Variants in PPP2R2B observed in about 807,000 individuals in gnomAD.
The protein encoded by PPP2R2B is protein phosphatase 2 regulatory subunit Bbeta, also known as serine/threonine-protein phosphatase 2A 55 kDa regulatory subunit B beta isoform.
PPP2R2B carries 5 observed loss-of-function variants against 46.0 expected under a neutral mutation model. The observed-to-expected ratio is 0.11, with a 90% CI of 0.06 to 0.23. The LOEUF (loss-of-function observed/expected upper bound fraction) is 0.23, where lower values mean the gene tolerates loss of function less well. PPP2R2B is among the 10% of genes least tolerant of loss of function. The pLI is 1.00. For synonymous variants in PPP2R2B, 215 were observed against 206.7 expected, an observed-to-expected ratio of 1.04 and a Z score of -0.34; for missense variants, 367 against 575.0, an observed-to-expected ratio of 0.64 and a Z score of 3.70.
intron 2 of PPP2R2B, among the ~76,000 whole-genome samples, chr5:146,876,453 C>T (rs1034439711): frequency 1.3e-5 from 2 of 152,084 alleles, no homozygotes; most frequent in African/African-American, 2.4e-5. Context: ...AATAAATGTT[C>T]CCCCAAAAGC....
At chr5:146,600,496 AT>A in intron 7 of PPP2R2B, 36 bp from the exon 8 acceptor site, 1 of 1,604,260 alleles carries the variant, frequency 6.2e-7, no homozygotes. Flanking sequence ...AAATTTAGCA[AT>A]CCTTATCAAC....
At chr5:146,849,894 T>C (rs761836962) in intron 2 of PPP2R2B, among the ~76,000 whole-genome samples, 3 of 152,214 alleles carry the variant, frequency 2.0e-5, no homozygotes, top group Non-Finnish European at 2.9e-5. Context: ...CACAAAGCCA[T>C]GGCAGATTAG....
intron 2 of PPP2R2B, among the ~76,000 whole-genome samples, chr5:146,766,488 T>C (rs994483841): frequency 6.6e-5 from 10 of 152,162 alleles, no homozygotes; most frequent in Non-Finnish European, 1.2e-4. Flanking sequence ...CAAGTTAAAG[T>C]CTGACCAAGA....
intron 2 of PPP2R2B, among the ~76,000 whole-genome samples, chr5:146,755,557 A>C (rs920874601): frequency 1.3e-5 from 2 of 152,230 alleles, no homozygotes; most frequent in Admixed American, 1.3e-4. Flanking sequence ...TTCTTTGGAC[A>C]ACACCAATTG....
intron 5 of PPP2R2B, among the ~76,000 whole-genome samples, chr5:146,653,995 A>G (rs962279868): frequency 6.6e-6 from 1 of 152,140 alleles, no homozygotes; most frequent in Admixed American, 6.6e-5. Flanking sequence ...CGATTAGGAA[A>G]CCACATTGCG....
chr5:146,663,917 A>T (rs1028423127), intron 5 of PPP2R2B, among the ~76,000 whole-genome samples: 2 of 152,130 alleles, frequency 1.3e-5, no homozygotes, highest in African/African-American at 4.8e-5. Flanking sequence ...ATCTTGACTC[A>T]CTGCAACCTC....
chr5:147,031,022 G>A (rs772082033), intron 1 of PPP2R2B, among the ~76,000 whole-genome samples: 6 of 152,082 alleles, frequency 3.9e-5, no homozygotes, highest in Non-Finnish European at 5.9e-5. Context: ...GGATCACGAG[G>A]TCAGGAGATC....
At chr5:146,952,183 C>T (rs781585411) in intron 1 of PPP2R2B, among the ~76,000 whole-genome samples, 4 of 152,014 alleles carry the variant, frequency 2.6e-5, no homozygotes, top group Admixed American at 6.6e-5. Context: ...CTCTCCCTTT[C>T]TTTCTTGCCC....
At chr5:146,871,102 T>C (rs192696348) in intron 2 of PPP2R2B, among the ~76,000 whole-genome samples, 172 of 152,346 alleles carry the variant, frequency 1.1e-3, no homozygotes, top group Non-Finnish European at 8.2e-4. Flanking sequence ...TCTAGAGTTC[T>C]ATTGGAGTCA....
intron 2 of PPP2R2B, among the ~76,000 whole-genome samples, chr5:146,791,406 G>A (rs140402021): frequency 5.4e-4 from 82 of 152,030 alleles, no homozygotes; most frequent in African/African-American, 1.8e-3. Flanking sequence ...GTGTATGTGT[G>A]TGTGGTGTGT....
At chr5:146,803,636 C>G (rs917261150) in intron 2 of PPP2R2B, among the ~76,000 whole-genome samples, 1 of 152,130 alleles carries the variant, frequency 6.6e-6, no homozygotes. Flanking sequence ...TTTCAAAGCC[C>G]TATGACATGT....
chr5:146,934,781 G>A (rs1401929808), intron 1 of PPP2R2B, among the ~76,000 whole-genome samples: 1 of 151,268 alleles, frequency 6.6e-6, no homozygotes, highest in East Asian at 1.9e-4. Flanking sequence ...TTGATTGAAA[G>A]GTGTTGCTGA....
chr5:146,880,807 TC>T (rs1762142077), upstream of PPP2R2B, among the ~76,000 whole-genome samples: 1 of 152,212 alleles, frequency 6.6e-6, no homozygotes, highest in African/African-American at 2.4e-5. Context: ...GCAAACTTTC[TC>T]CTGCATTTAT....
chr5:147,069,351 A>T (rs1329137406), intron 2 of PPP2R2B, among the ~76,000 whole-genome samples: 1 of 152,184 alleles, frequency 6.6e-6, no homozygotes, highest in East Asian at 1.9e-4. Flanking sequence ...GTTACTGAAA[A>T]TTCTCCACTG....
intron 5 of PPP2R2B, among the ~76,000 whole-genome samples, chr5:146,670,021 C>T (rs535974163): frequency 1.3e-5 from 2 of 152,072 alleles, no homozygotes; most frequent in Non-Finnish European, 2.9e-5. Context: ...AGAATCATAA[C>T]CAAAAAATGT....
intron 2 of PPP2R2B, among the ~76,000 whole-genome samples, chr5:146,814,846 A>G (rs1346203900): frequency 2.0e-5 from 3 of 152,150 alleles, no homozygotes; most frequent in Admixed American, 1.3e-4. Flanking sequence ...TGCGCACTTG[A>G]TCTCTCAAGT....
intron 1 of PPP2R2B, chr5:147,081,234 T>TTTC: frequency 1.3e-6 from 2 of 1,535,642 alleles, no homozygotes; most frequent in Non-Finnish European, 1.7e-6. Context: ...AATCTATGCA[T>TTTC]TTCTAAAAGG....
chr5:146,640,775 A>C (rs1775156633), intron 6 of PPP2R2B, among the ~76,000 whole-genome samples: 1 of 152,176 alleles, frequency 6.6e-6, no homozygotes, highest in Non-Finnish European at 1.5e-5. Context: ...AATGTGCAAA[A>C]ACAAAGTGCC....
chr5:146,761,939 G>A (rs1754191616), intron 2 of PPP2R2B, among the ~76,000 whole-genome samples: 1 of 152,150 alleles, frequency 6.6e-6, no homozygotes, highest in Non-Finnish European at 1.5e-5. Context: ...TCTGCAGAGT[G>A]TATGTGGGAA....
Sources: allele counts gnomAD v4.1 joint callset (sites outside exome capture counted in the v4.1 genomes callset), GRCh38; gene constraint gnomAD v4.1.1; transcripts MANE v1.5; gene names NCBI Gene and HGNC (gene_info 2026-07-23, HGNC 2026-07-21).